KCNB2: variants seen among roughly 807,000 people sequenced by gnomAD.
KCNB2 encodes the protein potassium voltage-gated channel subfamily B member 2.
KCNB2 carries 15 observed loss-of-function variants against 61.5 expected under a neutral mutation model. The observed-to-expected ratio is 0.24, with a 90% confidence interval of 0.16 to 0.38. The LOEUF (loss-of-function observed/expected upper bound fraction) is 0.38, where lower values mean the gene tolerates loss of function less well. KCNB2 is among the 10% of genes least tolerant of loss of function. The pLI is 1.00. For missense variants in KCNB2, 828 were observed against 1,125.2 expected, an observed-to-expected ratio of 0.74 and a Z score of 3.78; for synonymous variants, 457 against 446.0, an observed-to-expected ratio of 1.02 and a Z score of -0.31.
chr8:72,906,142 G>C (rs551029739), intron 2 of KCNB2, among the ~76,000 whole-genome samples: 1 of 152,298 alleles, frequency 6.6e-6, no homozygotes, highest in East Asian at 1.9e-4. Context: ...AAAACTGTTT[G>C]CTATATTTAA....
intron 2 of KCNB2, among the ~76,000 whole-genome samples, chr8:72,734,585 G>A (rs781688964): frequency 6.6e-6 from 1 of 152,126 alleles, no homozygotes; most frequent in Non-Finnish European, 1.5e-5. Flanking sequence ...TCCATAATAC[G>A]ATACCAGGTG....
chr8:72,781,706 T>C (rs1023480531), intron 2 of KCNB2, among the ~76,000 whole-genome samples: 6 of 152,166 alleles, frequency 3.9e-5, no homozygotes, highest in Non-Finnish European at 7.3e-5. Flanking sequence ...TCTTATTTGG[T>C]TCCATATGAA....
At chr8:72,926,760 T>G (rs897013674) in intron 2 of KCNB2, among the ~76,000 whole-genome samples, 2 of 152,218 alleles carry the variant, frequency 1.3e-5, no homozygotes, top group Admixed American at 6.5e-5. Flanking sequence ...GGGTCGAGAT[T>G]CTACTTCATA....
intron 2 of KCNB2, among the ~76,000 whole-genome samples, chr8:72,932,455 G>A (rs1480337122): frequency 6.6e-6 from 1 of 152,104 alleles, no homozygotes; most frequent in Non-Finnish European, 1.5e-5. Flanking sequence ...TGAAGTTTGG[G>A]GAGTTCCTTC....
chr8:72,554,499 CA>C (rs1430315407), intron 1 of KCNB2, among the ~76,000 whole-genome samples: 14 of 152,052 alleles, frequency 9.2e-5, no homozygotes, highest in Admixed American at 9.2e-4. Context: ...TCTTGCTTCA[CA>C]TTTTTTCTCT....
chr8:72,860,006 A>G (rs1810274558), intron 2 of KCNB2, among the ~76,000 whole-genome samples: 1 of 152,110 alleles, frequency 6.6e-6, no homozygotes, highest in African/African-American at 2.4e-5. Context: ...GGTGTGAGCC[A>G]CTGTGCCCGG....
Position 72,546,342 on chromosome 8 carries a change from C to T in KCNB2, c.-94+8457C>T, listed in dbSNP as rs1004290732. ...CAGCCCGGCCAACTTGATGAAACCCCGTGTCTACTAAAAAAATACAAAAAA... is the reference window on the plus strand; with the variant it reads ...CAGCCCGGCCAACTTGATGAAACCCTGTGTCTACTAAAAAAATACAAAAAA... On this transcript the variant is annotated intron_variant, in intron 1 of 2. Coordinates refer to ENST00000523207, the MANE Select transcript of KCNB2 (RefSeq NM_004770.3). Among the ~76,000 whole-genome samples the T allele has an allele frequency of 2.6e-5, 4 of 151,962 alleles. No individual in the cohort carries two copies. In the South Asian group the frequency reaches 6.2e-4, roughly 24 times the overall value.
At chr8:72,727,848 A>C (rs1426695633) in intron 2 of KCNB2, among the ~76,000 whole-genome samples, 2 of 152,230 alleles carry the variant, frequency 1.3e-5, no homozygotes, top group Non-Finnish European at 2.9e-5. Context: ...CTAGGAACTG[A>C]TTACAGATTC....
intron 2 of KCNB2, among the ~76,000 whole-genome samples, chr8:72,686,692 T>C (rs538867326): frequency 5.3e-5 from 8 of 152,320 alleles, no homozygotes; most frequent in African/African-American, 1.9e-4. Flanking sequence ...AAATTGTTTC[T>C]TGTCACTGGG....
At position 72,568,186 on chromosome 8, in the gene KCNB2, A is replaced by C; in HGVS notation, c.452A>C (p.Glu151Ala). The change falls in exon 2 of 3, where the codon GAA becomes GCA. Residue 151 changes from glutamate to alanine, a missense_variant. By Grantham distance (107) the Glu-to-Ala change is moderately radical. Around this residue, in one of 4 missense-constraint regions of KCNB2, gnomAD observed 163 missense variants for 314.4 expected, o/e 0.52. Coordinates refer to ENST00000523207, the MANE Select transcript of KCNB2 (RefSeq NM_004770.3). ...YHQKKEQMNEELRREAETMRE... is the reference protein window; with the variant it reads ...YHQKKEQMNEALRREAETMRE... ...CAAAAAAAAGAACAAATGAACGAAGAACTGAGGCGAGAGGCAGAGACTATG... is the reference window on the plus strand; with the variant it reads ...CAAAAAAAAGAACAAATGAACGAAGCACTGAGGCGAGAGGCAGAGACTATG... The C allele has an allele frequency of 6.2e-7, 1 of 1,614,184 alleles. No homozygotes were observed. Among genetic ancestry groups the C allele is most frequent in the Non-Finnish European group, 8.5e-7 (1 of 1,180,028 alleles).
rs554862354 is a variant in KCNB2, at chr8:72,568,049, C to T, written c.315C>T (p.Thr105=). Residue 105 remains threonine (T), a synonymous_variant, in exon 2 of 3, where the codon ACC becomes ACT. Coordinates refer to ENST00000523207, the MANE Select transcript of KCNB2 (RefSeq NM_004770.3). ...AFTSILNFYR[T]GKLHMMEEMC... The stretch of plus-strand genomic sequence containing the variant: ...CTTCCATTTTAAATTTCTACCGGAC[C>T]GGGAAACTCCATATGATGGAAGAAA... 1.2e-6 allele frequency: 2 copies of T among 1,614,026 alleles called. No individual in the cohort carries two copies. The highest frequency in any genetic ancestry group is 1.1e-5 in the South Asian group (1 of 91,062).
intron 2 of KCNB2, among the ~76,000 whole-genome samples, chr8:72,623,349 C>G (rs1805739567): frequency 6.6e-6 from 1 of 152,132 alleles, no homozygotes; most frequent in South Asian, 2.1e-4. Context: ...TTAACTCCAG[C>G]TTTGAAGGGG....
chr8:72,658,040 G>C (rs1242394144), intron 2 of KCNB2, among the ~76,000 whole-genome samples: 2 of 152,050 alleles, frequency 1.3e-5, no homozygotes, highest in Admixed American at 6.6e-5. Flanking sequence ...AACCTACAAT[G>C]GCCTCTAAGT....
At chr8:72,628,402 T>G (rs1565260) in intron 2 of KCNB2, among the ~76,000 whole-genome samples, 299 of 17,474 alleles carry the variant, frequency 0.017, no homozygotes, top group Admixed American at 0.046. Flanking sequence ...TGTTAGGGGG[T>G]GTGTGTGTGT....
At chr8:72,676,407 C>T (rs564783103) in intron 2 of KCNB2, among the ~76,000 whole-genome samples, 10 of 151,880 alleles carry the variant, frequency 6.6e-5, no homozygotes, top group African/African-American at 2.4e-4. Flanking sequence ...CACCATATTC[C>T]TCCAGACTTG....
At chr8:72,604,593 T>A (rs745941307) in intron 2 of KCNB2, among the ~76,000 whole-genome samples, 3 of 152,216 alleles carry the variant, frequency 2.0e-5, no homozygotes, top group Non-Finnish European at 4.4e-5. Flanking sequence ...ATTAGAGCTG[T>A]ATACTCTTCC....
chr8:72,554,223 G>A (rs1381793064), intron 1 of KCNB2, among the ~76,000 whole-genome samples: 3 of 152,034 alleles, frequency 2.0e-5, no homozygotes, highest in Non-Finnish European at 4.4e-5. Flanking sequence ...TGAGAGCAAA[G>A]GGCTACTTTA....
rs567308655 is a variant in KCNB2 at position 72,557,315 on chromosome 8, C to T, written c.-93-10327C>T. ...TCACATGGAAATACATTCTATTATT[C>T]GGAAAGAGAAGAGACAATTGTTAAC... On this transcript the variant is annotated intron_variant, in intron 1 of 2. Coordinates refer to ENST00000523207, the MANE Select transcript of KCNB2 (RefSeq NM_004770.3). Among the ~76,000 whole-genome samples the T allele has an allele frequency of 2.2e-4, 34 of 152,078 alleles. 1 individual carries two copies. In the South Asian group the frequency reaches 5.8e-3, roughly 26 times the overall value.
intron 2 of KCNB2, among the ~76,000 whole-genome samples, chr8:72,804,313 A>G (rs1388537252): frequency 6.6e-6 from 1 of 152,128 alleles, no homozygotes; most frequent in African/African-American, 2.4e-5. Context: ...CCGTGTTACT[A>G]CATATCCTTC....
Sources: gnomAD v4.1 joint callset for allele counts (sites outside exome capture counted in the v4.1 genomes callset) on GRCh38, gnomAD v4.1.1 for gene constraint, gnomAD v4.1.1 regional missense constraint, MANE v1.5 for transcripts, NCBI Gene and HGNC (gene_info 2026-07-23, HGNC 2026-07-21) for gene names.